Variants in IGSF11 observed in about 807,000 individuals in gnomAD.
IGSF11 encodes the protein CXADR like 1.
In IGSF11, 22 loss-of-function variants were observed where a neutral mutation model predicts 41.0. The ratio of observed to expected loss-of-function variants is 0.54; its 90% CI spans 0.38 to 0.77. The LOEUF is 0.77. IGSF11 is among the 30% of genes least tolerant of loss of function. The probability of loss-of-function intolerance (pLI) is 0.00; values close to 1 mark genes in which losing one functional copy is unlikely to be tolerated. For synonymous variants in IGSF11, 219 were observed against 201.3 expected (o/e 1.09, Z -0.74); for missense variants, 444 against 530.8 (o/e 0.84, Z 1.61).
intron 1 of IGSF11, among the ~76,000 whole-genome samples, chr3:119,101,474 G>A (rs756419707): frequency 4.6e-5 from 7 of 152,018 alleles, no homozygotes; most frequent in Non-Finnish European, 7.4e-5. Flanking sequence ...ATCCCATCCC[G>A]CACTCCAGCC....
chr3:119,022,049 G>A lies in IGSF11; in HGVS notation c.52+12482C>T, dbSNP rs193211318. Among the ~76,000 whole-genome samples, 83 of 152,136 alleles carry A rather than the reference G, an allele frequency of 5.5e-4. 1 individual carries two copies. The highest frequency in any genetic ancestry group is 9.4e-4 in the Non-Finnish European group (64 of 67,988). On this transcript the variant is annotated intron_variant, in intron 1 of 6. Transcript: ENST00000393775. ...GAAGCCCAAGTATCCGTCAACAGAG[G>A]AGCATATAAAATGTGGTATACTCAT...
intron 1 of IGSF11, among the ~76,000 whole-genome samples, chr3:119,119,588 C>T (rs28707586): frequency 0.029 from 4,470 of 152,296 alleles, 199 homozygotes; most frequent in African/African-American, 0.1. Context: ...CCCTCTCCAG[C>T]TCACTGGCAG....
chr3:119,009,140 G>T (rs1356564901), intron 1 of IGSF11, among the ~76,000 whole-genome samples: 1 of 152,078 alleles, frequency 6.6e-6, no homozygotes, highest in Non-Finnish European at 1.5e-5. Context: ...ACATTCTTTA[G>T]TCTATTTCCT....
At chr3:119,106,224 T>G (rs2077020240), upstream of IGSF11, among the ~76,000 whole-genome samples, 3 of 152,196 alleles carry the variant, frequency 2.0e-5, no homozygotes, top group South Asian at 4.1e-4. Context: ...ATTTATACTT[T>G]TTTAGTTGTT....
At chr3:119,008,841 C>T (rs1441625592) in intron 1 of IGSF11, among the ~76,000 whole-genome samples, 1 of 151,994 alleles carries the variant, frequency 6.6e-6, no homozygotes. Flanking sequence ...GCAGGTGGGC[C>T]CCATCCAATC....
intron 1 of IGSF11, among the ~76,000 whole-genome samples, chr3:119,011,409 CT>C (rs1322868099): frequency 2.0e-5 from 3 of 152,276 alleles, no homozygotes; most frequent in Middle Eastern, 3.4e-3. Context: ...TTTTAGACCC[CT>C]GAAGCACATG....
At chr3:118,961,587 G>C (rs1945337143) in intron 1 of IGSF11, among the ~76,000 whole-genome samples, 1 of 152,106 alleles carries the variant, frequency 6.6e-6, no homozygotes, top group African/African-American at 2.4e-5. Flanking sequence ...AAAAACATAG[G>C]AGAAAAGGAA....
In IGSF11 at chr3:118,902,466, C is replaced by CCAG; in HGVS notation, c.*53_*54insCTG. Reference sequence around the variant, plus strand: ...CAGCACTCCCCACCCCACCCTCCCCCTTGTATGAGGGCATTCCATTTATTC... The same window carrying CCAG: ...CAGCACTCCCCACCCCACCCTCCCCCCAGTTGTATGAGGGCATTCCATTTATTC... On this transcript the variant is annotated 3_prime_UTR_variant, in exon 7 of 7. Coordinates refer to ENST00000393775, the MANE Select transcript of IGSF11 (RefSeq NM_001015887.3). 2 of 878,238 alleles carry CCAG rather than the reference C, an allele frequency of 2.3e-6. No homozygotes were observed. The highest frequency in any genetic ancestry group is 3.7e-6 in the Non-Finnish European group (2 of 544,858). 54.4% of individuals were successfully genotyped at this position (878,238 alleles called of 1,614,324 possible). A position where few individuals can be genotyped will look rare whatever the true frequency, so the allele number is the denominator to read the frequency against.
chr3:119,106,865 AC>A (rs756028627), upstream of IGSF11, among the ~76,000 whole-genome samples: 84 of 151,926 alleles, frequency 5.5e-4, no homozygotes, highest in East Asian at 2.7e-3. Context: ...GAGATAGTTT[AC>A]TGAGAATGAT....
chr3:118,916,814 GCACCA>G (rs1265077818), intron 4 of IGSF11, among the ~76,000 whole-genome samples: 2 of 151,510 alleles, frequency 1.3e-5, no homozygotes, highest in Non-Finnish European at 2.9e-5. Context: ...ATTTTTTTCA[GCACCA>G]CACCACACCT....
chr3:118,998,694 C>T lies in IGSF11; in HGVS notation c.52+35837G>A, dbSNP rs1050095334. Reference sequence around the variant, plus strand: ...TAAGGAGAAAATACAAGACTTTCAACTGCTGGGTGACAGACTAAGGTTTTT... The same window carrying T: ...TAAGGAGAAAATACAAGACTTTCAATTGCTGGGTGACAGACTAAGGTTTTT... On this transcript the variant is annotated intron_variant, in intron 1 of 6. Coordinates refer to ENST00000393775, the MANE Select transcript of IGSF11 (RefSeq NM_001015887.3). Among the ~76,000 whole-genome samples, 13 of 151,962 alleles carry T rather than the reference C, an allele frequency of 8.6e-5. 1 individual carries two copies. Among genetic ancestry groups the T allele is most frequent in the African/African-American group, 3.1e-4 (13 of 41,410 alleles).
chr3:119,118,360 A>C (rs1016062374), intron 1 of IGSF11, among the ~76,000 whole-genome samples: 10 of 152,232 alleles, frequency 6.6e-5, no homozygotes, highest in African/African-American at 2.4e-4. Flanking sequence ...GGTCAACACC[A>C]CATGGAAGTT....
intron 1 of IGSF11, among the ~76,000 whole-genome samples, chr3:119,009,186 CAACT>C (rs138756822): frequency 0.026 from 3,986 of 152,108 alleles, 144 homozygotes; most frequent in African/African-American, 0.09. Context: ...TTTTAGAGGC[CAACT>C]AATAATCTTA....
chr3:119,036,060 ACTT>A (rs1036425032), upstream of IGSF11, among the ~76,000 whole-genome samples: 3 of 152,240 alleles, frequency 2.0e-5, no homozygotes, highest in African/African-American at 4.8e-5. Context: ...TTATGGATGT[ACTT>A]CTTTTTGAAA....
At chr3:118,948,862 C>T (rs1576455190) in intron 1 of IGSF11, among the ~76,000 whole-genome samples, 1 of 151,286 alleles carries the variant, frequency 6.6e-6, no homozygotes, top group East Asian at 1.9e-4. Context: ...GTCCCAGCTA[C>T]TCGGGAGGCT....
At chr3:118,928,980 C>T (rs1489822208) in intron 2 of IGSF11, among the ~76,000 whole-genome samples, 1 of 152,112 alleles carries the variant, frequency 6.6e-6, no homozygotes, top group Non-Finnish European at 1.5e-5. Context: ...GCTGCCCACC[C>T]TACTATCAGT....
At chr3:119,118,175 C>G (rs1183229086) in intron 1 of IGSF11, among the ~76,000 whole-genome samples, 2 of 152,224 alleles carry the variant, frequency 1.3e-5, no homozygotes, top group Admixed American at 6.5e-5. Context: ...AGTAGGGACT[C>G]TGTGTGGAGG....
chr3:119,055,295 TTCTCAC>T, intron 1 of IGSF11, among the ~76,000 whole-genome samples: 1 of 99,438 alleles, frequency 1.0e-5, no homozygotes, highest in Non-Finnish European at 1.9e-5. Context: ...GGAATGCAGC[TTCTCAC>T]CAGCAATGGA....
rs987279443 is a variant in IGSF11 at position 118,925,198 on chromosome 3, G to A, written c.580+903C>T. On this transcript the variant is annotated intron_variant, in intron 4 of 6. Transcript: ENST00000393775. ...GCGGAAATTTATAGGCTCTTAAGAG[G>A]CTTGTGGCGCTGGCTCTTTAATGTG... is the stretch of plus-strand genomic sequence containing the variant. Among the ~76,000 whole-genome samples the A allele has an allele frequency of 3.3e-5, 5 of 152,240 alleles. 1 individual carries two copies. Among genetic ancestry groups the A allele is most frequent in the East Asian group, 1.9e-4 (1 of 5,186 alleles).
Sources: allele counts gnomAD v4.1 joint callset (sites outside exome capture counted in the v4.1 genomes callset), GRCh38; gene constraint gnomAD v4.1.1; transcripts MANE v1.5; gene names NCBI Gene and HGNC (gene_info 2026-07-23, HGNC 2026-07-21).